Variants in SNTG2 observed in about 807,000 individuals in gnomAD.
The protein encoded by SNTG2 is syntrophin gamma 2.
A neutral mutation model predicts 70.9 loss-of-function variants in SNTG2; 74 were observed. The observed-to-expected ratio is 1.04, with a 90% CI of 0.86 to 1.27. The LOEUF is 1.27. SNTG2 is among the 50% of genes most tolerant of loss of function. SNTG2 has a pLI of 0.00. For missense variants in SNTG2, 717 were observed against 690.7 expected (o/e 1.04, Z -0.43); for synonymous variants, 278 against 273.8 (o/e 1.02, Z -0.15).
intron 1 of SNTG2, among the ~76,000 whole-genome samples, chr2:1,068,641 A>G (rs1663315518): frequency 6.6e-6 from 1 of 152,198 alleles, no homozygotes; most frequent in Non-Finnish European, 1.5e-5. Flanking sequence ...TTTTAGCTTC[A>G]ATATTAATAA....
chr2:1,134,425 C>T (rs1668228817), intron 4 of SNTG2, among the ~76,000 whole-genome samples: 1 of 151,346 alleles, frequency 6.6e-6, no homozygotes, highest in Admixed American at 6.6e-5. Flanking sequence ...TCCACTTCCC[C>T]ACTAGATTAG....
intron 12 of SNTG2, among the ~76,000 whole-genome samples, chr2:1,256,960 CTTCT>C (rs1334855944): frequency 2.7e-5 from 3 of 111,488 alleles, no homozygotes; most frequent in Non-Finnish European, 3.9e-5. Flanking sequence ...AGACCCACTT[CTTCT>C]TTTTTTTTTT....
chr2:1,054,345 C>T (rs752588109), intron 1 of SNTG2, among the ~76,000 whole-genome samples: 2 of 152,094 alleles, frequency 1.3e-5, no homozygotes, highest in East Asian at 1.9e-4. Context: ...CACTCTTCTT[C>T]GTGCCAAGGA....
Position 1,252,920 on chromosome 2 carries a change from A to AT in SNTG2, c.1005+5483dup, listed in dbSNP as rs552461941. Among the ~76,000 whole-genome samples, 83 of 152,280 alleles carry AT rather than the reference A, an allele frequency of 5.5e-4. 3 individuals are homozygous for AT. The East Asian group carries it at 0.015, about 28-fold the overall frequency. ...ATCTAAATATTTATAATGTATTAAT[A>AT]TTTTTTCTGGCCTGACATTTTATAT... On this transcript the variant is annotated intron_variant, in intron 12 of 16. Coordinates refer to ENST00000308624, the MANE Select transcript of SNTG2 (RefSeq NM_018968.4).
At chr2:983,733 C>T (rs1661208980) in intron 1 of SNTG2, among the ~76,000 whole-genome samples, 1 of 152,144 alleles carries the variant, frequency 6.6e-6, no homozygotes, top group South Asian at 2.1e-4. Context: ...TACCAGTTTT[C>T]TTAGAAATTG....
chr2:1,189,977 TAAAAC>T, intron 8 of SNTG2, among the ~76,000 whole-genome samples: 1 of 152,166 alleles, frequency 6.6e-6, no homozygotes, highest in African/African-American at 2.4e-5. Flanking sequence ...GCCAAATCTT[TAAAAC>T]CTTTGGGAAG....
intron 1 of SNTG2, among the ~76,000 whole-genome samples, chr2:1,062,692 AT>A (rs1662900213): frequency 6.6e-6 from 1 of 152,170 alleles, no homozygotes. Flanking sequence ...TTTTAAGTTG[AT>A]TTTTGCATGT....
At chr2:1,144,501 G>A (rs898397126) in intron 6 of SNTG2, among the ~76,000 whole-genome samples, 2 of 152,142 alleles carry the variant, frequency 1.3e-5, no homozygotes, top group African/African-American at 2.4e-5. Context: ...AACAGATATT[G>A]TATCAGTCTG....
chr2:1,093,358 A>T (rs995189266), intron 2 of SNTG2, among the ~76,000 whole-genome samples: 1 of 152,182 alleles, frequency 6.6e-6, no homozygotes, highest in East Asian at 1.9e-4. Flanking sequence ...AATTAAAGTG[A>T]TCAGCTGTGG....
In SNTG2 at chr2:1,007,059, A is replaced by G. The variant is rs1282578560; in HGVS notation, c.72+55991A>G. 2.3e-4 allele frequency among the ~76,000 whole-genome samples: 29 copies of G among 126,084 alleles called. No homozygotes were observed. In the South Asian group the frequency reaches 6.1e-3, roughly 26 times the overall value. 82.7% of individuals were successfully genotyped at this position (126,084 alleles called of 152,430 possible). ...AATAAATAAATAAATAAATAAATAAATGTGTATATATATATGTATGTATAG... is the reference window on the plus strand; with the variant it reads ...AATAAATAAATAAATAAATAAATAAGTGTGTATATATATATGTATGTATAG... On this transcript the variant is annotated intron_variant, in intron 1 of 16. Coordinates refer to ENST00000308624, the MANE Select transcript of SNTG2 (RefSeq NM_018968.4).
chr2:1,099,224 G>T (rs1304839801), intron 4 of SNTG2, among the ~76,000 whole-genome samples: 1 of 152,054 alleles, frequency 6.6e-6, no homozygotes, highest in African/African-American at 2.4e-5. Flanking sequence ...TGGACATGCG[G>T]TCCGTGTCGG....
chr2:992,931 C>G (rs1661549440), intron 1 of SNTG2, among the ~76,000 whole-genome samples: 1 of 152,154 alleles, frequency 6.6e-6, no homozygotes, highest in Admixed American at 6.6e-5. Context: ...ATATAAAACC[C>G]CATGTCCATT....
chr2:1,178,211 A>G lies in SNTG2; in HGVS notation c.591+5028A>G, dbSNP rs192578028. Among the ~76,000 whole-genome samples the G allele has an allele frequency of 7.2e-4, 109 of 152,308 alleles. 1 individual carries two copies. The highest frequency in any genetic ancestry group is 2.3e-3 in the African/African-American group (96 of 41,580). Reference sequence around the variant, plus strand: ...AGAGACGATTTAAAGCATTGTGACAATGGGGTTTTCTAGATATACAATCCT... The same window carrying G: ...AGAGACGATTTAAAGCATTGTGACAGTGGGGTTTTCTAGATATACAATCCT... On this transcript the variant is annotated intron_variant, in intron 8 of 16. Coordinates refer to ENST00000308624, the MANE Select transcript of SNTG2 (RefSeq NM_018968.4).
chr2:1,143,895 AG>A (rs778024146), intron 6 of SNTG2, among the ~76,000 whole-genome samples: 5,718 of 128,962 alleles, frequency 0.044, 278 homozygotes, highest in African/African-American at 0.13. Flanking sequence ...ACCCCCCCCC[AG>A]AAAAAGAAAA....
intron 2 of SNTG2, among the ~76,000 whole-genome samples, chr2:1,095,090 GAA>G (rs900358465): frequency 1.3e-5 from 2 of 151,494 alleles, no homozygotes; most frequent in South Asian, 2.1e-4. Context: ...AGAAAAAAGA[GAA>G]AAAAAAAGAG....
intron 6 of SNTG2, among the ~76,000 whole-genome samples, chr2:1,145,676 A>C (rs540326601): frequency 3.3e-5 from 5 of 152,370 alleles, no homozygotes; most frequent in African/African-American, 1.2e-4. Flanking sequence ...GAACAGAAGC[A>C]GAAGGAACAC....
rs970427046 is a variant in SNTG2, at chr2:1,173,160, C to A, written c.568C>A (p.Leu190Met). ...TCCCCTCTTTGACAGCGGTTTGCATCTGAACGGAAACTCCAGTACCACAGT... is the reference window on the plus strand; with the variant it reads ...TCCCCTCTTTGACAGCGGTTTGCATATGAACGGAAACTCCAGTACCACAGT... ...SSPLFDSGLH[L>M]NGNSSTTAPS... is the part of the protein sequence containing the mutation. The change falls in exon 8 of 17, where the codon CTG (leucine) becomes ATG (methionine). Residue 190 changes from leucine to methionine, a missense_variant. Physicochemically the swap from Leu to Met is conservative, Grantham distance 15. Coordinates refer to ENST00000308624, the MANE Select transcript of SNTG2 (RefSeq NM_018968.4). The A allele has an allele frequency of 1.2e-6, 2 of 1,613,884 alleles. No homozygotes were observed. The highest frequency in any genetic ancestry group is 1.7e-6 in the Non-Finnish European group (2 of 1,179,898).
At chr2:1,171,585 G>T (rs1167189944) in intron 7 of SNTG2, among the ~76,000 whole-genome samples, 4 of 152,186 alleles carry the variant, frequency 2.6e-5, no homozygotes, top group African/African-American at 9.7e-5. Context: ...GCTGTGTGGA[G>T]CAGTGGCTGG....
chr2:1,179,914 G>A (rs572830687), intron 8 of SNTG2, among the ~76,000 whole-genome samples: 7 of 138,900 alleles, frequency 5.0e-5, no homozygotes, highest in Non-Finnish European at 7.8e-5. Context: ...ATAATGCCGT[G>A]TATCTACAAC....
Sources: allele counts gnomAD v4.1 joint callset (sites outside exome capture counted in the v4.1 genomes callset), GRCh38; gene constraint gnomAD v4.1.1; transcripts MANE v1.5; gene names NCBI Gene and HGNC (gene_info 2026-07-23, HGNC 2026-07-21).